Variants in ATG13 observed in about 807,000 individuals in gnomAD.
The protein encoded by ATG13 is autophagy related 13, also known as autophagy-related protein 13.
ATG13 carries 23 observed loss-of-function variants against 65.5 expected under a neutral mutation model. The ratio of observed to expected loss-of-function variants is 0.35; its 90% CI spans 0.25 to 0.50. The LOEUF (loss-of-function observed/expected upper bound fraction) is 0.50, where lower values mean the gene tolerates loss of function less well. Ranked by LOEUF, ATG13 falls within the 20% of genes least tolerant of loss-of-function variation. The pLI, the probability that ATG13 is intolerant of heterozygous loss-of-function variation, is 0.98. For synonymous variants in ATG13, 252 were observed against 245.2 expected (o/e 1.03, Z -0.26); for missense variants, 566 against 677.0 (o/e 0.84, Z 1.82).
In ATG13 at chr11:46,621,355, A is replaced by G. The variant is rs76747092; in HGVS notation, c.-70+3465A>G. Among the ~76,000 whole-genome samples the G allele has an allele frequency of 9.3e-3, 1,410 of 152,242 alleles. 24 individuals carry two copies. The highest frequency in any genetic ancestry group is 0.032 in the African/African-American group (1,311 of 41,552). On this transcript the variant is annotated intron_variant, in intron 1 of 18. Coordinates refer to ENST00000683050, the MANE Select transcript of ATG13 (RefSeq NM_001346311.2). ...TGAGTTGTTGATACTTTCTTTTTACATGAAGTCTGTAGTTTATAAAATGAT... is the reference window on the plus strand; with the variant it reads ...TGAGTTGTTGATACTTTCTTTTTACGTGAAGTCTGTAGTTTATAAAATGAT...
chr11:46,653,121 G>A (rs918768044), intron 7 of ATG13, among the ~76,000 whole-genome samples: 11 of 149,942 alleles, frequency 7.3e-5, no homozygotes, highest in Non-Finnish European at 1.2e-4. Context: ...TTTGTCTGTC[G>A]TATCTGTAGT....
At chr11:46,629,295 TG>T in intron 1 of ATG13, among the ~76,000 whole-genome samples, 1 of 152,162 alleles carries the variant, frequency 6.6e-6, no homozygotes, top group Non-Finnish European at 1.5e-5. Context: ...TTCTAGAGCA[TG>T]GTATAGATGC....
At chr11:46,654,107 G>C (rs2059504104) in intron 7 of ATG13, among the ~76,000 whole-genome samples, 1 of 149,868 alleles carries the variant, frequency 6.7e-6, no homozygotes, top group African/African-American at 2.5e-5. Context: ...CGGTGGAAAA[G>C]ATTTCCTGCT....
chr11:46,622,298 T>C (rs1481931730), intron 1 of ATG13, among the ~76,000 whole-genome samples: 2 of 151,316 alleles, frequency 1.3e-5, no homozygotes, highest in African/African-American at 2.4e-5. Flanking sequence ...TTTATATTTT[T>C]AGTAGAGACG....
intron 1 of ATG13, among the ~76,000 whole-genome samples, chr11:46,628,007 C>T (rs946447010): frequency 2.0e-5 from 3 of 149,168 alleles, no homozygotes; most frequent in African/African-American, 7.5e-5. Context: ...CACCTGAGTC[C>T]AGCAGGTTGA....
At chr11:46,631,535 A>G (rs1379481297) in intron 2 of ATG13, among the ~76,000 whole-genome samples, 1 of 152,170 alleles carries the variant, frequency 6.6e-6, no homozygotes, top group Non-Finnish European at 1.5e-5. Context: ...TTATCTAACA[A>G]TGGGATAATT....
At chr11:46,633,840 A>T (rs2135996394) in intron 2 of ATG13, among the ~76,000 whole-genome samples, 1 of 152,292 alleles carries the variant, frequency 6.6e-6, no homozygotes, top group South Asian at 2.1e-4. Context: ...CTATATAAAC[A>T]GTCTCTTTTA....
chr11:46,630,654 C>T (rs958495221), intron 2 of ATG13, among the ~76,000 whole-genome samples: 1 of 148,200 alleles, frequency 6.7e-6, no homozygotes, highest in Non-Finnish European at 1.5e-5. Context: ...CTCACTGCAG[C>T]CTTGACCTTC....
chr11:46,636,683 T>G (rs1157457573), intron 2 of ATG13, among the ~76,000 whole-genome samples: 1 of 152,102 alleles, frequency 6.6e-6, no homozygotes, highest in Admixed American at 6.6e-5. Context: ...TCTTGAACTT[T>G]GGGCCACAAG....
At chr11:46,619,688 G>A (rs1040700372) in intron 1 of ATG13, among the ~76,000 whole-genome samples, 2 of 151,298 alleles carry the variant, frequency 1.3e-5, no homozygotes, top group African/African-American at 4.9e-5. Context: ...ACTCCTGGCC[G>A]ATTTCTTGCT....
intron 14 of ATG13, among the ~76,000 whole-genome samples, chr11:46,666,980 C>T (rs1335939581): frequency 6.6e-6 from 1 of 152,046 alleles, no homozygotes; most frequent in Non-Finnish European, 1.5e-5. Context: ...CTCAAACTTC[C>T]ATCCTCTCCC....
chr11:46,633,859 T>C (rs2135997005), intron 2 of ATG13, among the ~76,000 whole-genome samples: 1 of 152,192 alleles, frequency 6.6e-6, no homozygotes, highest in East Asian at 1.9e-4. Context: ...TAACTTGTGT[T>C]GTCCCCAAAA....
At chr11:46,620,967 A>G (rs2047305193) in intron 1 of ATG13, 1 of 152,206 alleles carries the variant, frequency 6.6e-6, no homozygotes, top group Non-Finnish European at 1.5e-5. Flanking sequence ...CTTTTGATTC[A>G]TACATGTGAA....
chr11:46,631,174 C>G (rs917852589), intron 2 of ATG13, among the ~76,000 whole-genome samples: 2 of 152,102 alleles, frequency 1.3e-5, no homozygotes, highest in Non-Finnish European at 2.9e-5. Flanking sequence ...AAGTAGAACC[C>G]TATATGTATG....
At chr11:46,670,496 A>T (rs1052276194) in intron 18 of ATG13, among the ~76,000 whole-genome samples, 3 of 148,662 alleles carry the variant, frequency 2.0e-5, no homozygotes, top group African/African-American at 5.2e-5. Flanking sequence ...AAAAAAAAAA[A>T]AGTAATAATT....
intron 7 of ATG13, among the ~76,000 whole-genome samples, chr11:46,652,628 G>T (rs2059149550): frequency 6.6e-6 from 1 of 151,448 alleles, no homozygotes; most frequent in Non-Finnish European, 1.5e-5. Flanking sequence ...AGGGAGGATT[G>T]CTTGGGTCCA....
intron 10 of ATG13, among the ~76,000 whole-genome samples, chr11:46,658,916 G>A (rs148207149): frequency 1.3e-5 from 2 of 152,320 alleles, no homozygotes; most frequent in African/African-American, 4.8e-5. Flanking sequence ...CAGGCTGGAT[G>A]CAGTGGCTCA....
chr11:46,652,239 C>T (rs1388864921), intron 7 of ATG13, among the ~76,000 whole-genome samples: 1 of 151,958 alleles, frequency 6.6e-6, no homozygotes, highest in Non-Finnish European at 1.5e-5. Flanking sequence ...CAGGGCTATA[C>T]TGTATCTCAA....
chr11:46,662,242 C>A (rs956464224), intron 11 of ATG13, among the ~76,000 whole-genome samples: 3 of 152,130 alleles, frequency 2.0e-5, no homozygotes, highest in Non-Finnish European at 4.4e-5. Flanking sequence ...TTTTTATAAG[C>A]TCATCCCAGC....
Sources: gnomAD v4.1 joint callset for allele counts (sites outside exome capture counted in the v4.1 genomes callset) on GRCh38, gnomAD v4.1.1 for gene constraint, MANE v1.5 for transcripts, NCBI Gene and HGNC (gene_info 2026-07-23, HGNC 2026-07-21) for gene names.